Variants in SGSM2 observed in about 807,000 individuals in gnomAD.
The protein encoded by SGSM2 is RUN and TBC1 domain containing 1.
In SGSM2, 89 loss-of-function variants were observed where a neutral mutation model predicts 126.6. The ratio of observed to expected loss-of-function variants is 0.70; its 90% CI spans 0.59 to 0.84. The LOEUF (loss-of-function observed/expected upper bound fraction) is 0.84, where lower values mean the gene tolerates loss of function less well. Ranked by LOEUF, SGSM2 falls within the 40% of genes least tolerant of loss-of-function variation. The probability of loss-of-function intolerance (pLI) is 0.00; values close to 1 mark genes in which losing one functional copy is unlikely to be tolerated. For missense variants in SGSM2, 1,404 were observed against 1,416.6 expected, an observed-to-expected ratio of 0.99 and a Z score of 0.14; for synonymous variants, 614 against 574.3, an observed-to-expected ratio of 1.07 and a Z score of -0.99.
rs78510171 is a variant in SGSM2, at chr17:2,378,933, T to C, written c.2900-103T>C. The C allele has an allele frequency of 2.8e-5, 34 of 1,220,236 alleles. No homozygotes were observed. In the South Asian group the frequency reaches 2.8e-4, roughly 10 times the overall value. 75.6% of individuals were successfully genotyped at this position (1,220,236 alleles called of 1,614,324 possible). A position where few individuals can be genotyped will look rare whatever the true frequency, so the allele number is the denominator to read the frequency against. On this transcript the variant is annotated intron_variant, in intron 22 of 23. Transcript: ENST00000268989. The stretch of plus-strand genomic sequence containing the variant: ...ATCAGCCCCAGCCCCAGCCTCAGCC[T>C]CAGCCTCAGCCCCAGCCTCAATCCC...
intron 18 of SGSM2, 78 bp from the exon 19 acceptor site, chr17:2,376,059 T>A (rs2066130413): frequency 6.3e-7 from 1 of 1,599,488 alleles, no homozygotes. Flanking sequence ...TTTGCTGCAT[T>A]TCTTGGGGCG....
At chr17:2,342,587 T>C (rs1309829082) in intron 1 of SGSM2, among the ~76,000 whole-genome samples, 1 of 152,084 alleles carries the variant, frequency 6.6e-6, no homozygotes, top group African/African-American at 2.4e-5. Flanking sequence ...TTCACAGGAG[T>C]GTTCAGTTTG....
rs146194289 is a variant in SGSM2, at chr17:2,379,439, T to C, written c.3075T>C (p.Ala1025=). 5 of 1,612,950 alleles carry C rather than the reference T, an allele frequency of 3.1e-6. No homozygotes were observed. In the South Asian group the frequency reaches 4.4e-5, roughly 14 times the overall value. Residue 1025 remains alanine (A), a synonymous_variant, in exon 24 of 24, where the codon GCT becomes GCC. Coordinates refer to ENST00000268989, the MANE Select transcript of SGSM2 (RefSeq NM_014853.3). ...CTTCACGTTTCCCCCCAGAACGTGC[T>C]GAGCATCACGATGCCCAGGAGATCC... ...TDIIKFFNER[A]EHHDAQEILR...
intron 2 of SGSM2, among the ~76,000 whole-genome samples, chr17:2,345,181 G>A (rs1209571874): frequency 1.3e-5 from 2 of 152,112 alleles, no homozygotes; most frequent in Non-Finnish European, 2.9e-5. Flanking sequence ...TAGAATTCTC[G>A]GCCGGGCACA....
At chr17:2,377,115 C>A in intron 21 of SGSM2, 47 bp downstream of exon 21, 2 of 1,246,682 alleles carry the variant, frequency 1.6e-6, no homozygotes, top group Non-Finnish European at 2.3e-6. Flanking sequence ...CAGTGCTGGG[C>A]TGGTCCATCG....
chr17:2,353,637 C>G (rs562696955), intron 2 of SGSM2, among the ~76,000 whole-genome samples: 1 of 151,972 alleles, frequency 6.6e-6, no homozygotes, highest in Admixed American at 6.6e-5. Context: ...TGGTAGTGCA[C>G]GCCTGCAGTC....
Position 2,337,723 on chromosome 17 carries a change from T to A in SGSM2, c.35T>A (p.Leu12Gln), listed in dbSNP as rs948034266. Residue 12 changes from leucine (L) to glutamine (Q), a missense_variant, in exon 1 of 24, where the codon CTG becomes CAG. Physicochemically the swap from Leu to Gln is moderately radical, Grantham distance 113. Transcript: ENST00000268989. This position sits in a 1 kb window ranked among gnomAD's most constrained non-coding sequence, Gnocchi z 5.1. ...GSAEDAVKEKLLWNVKKEVKQ... is the reference protein window; with the variant it reads ...GSAEDAVKEKQLWNVKKEVKQ... ...GCAGAGGACGCAGTCAAAGAGAAACTGCTGTGGAACGTGAAGAAGGAGGTA... is the reference window on the plus strand; with the variant it reads ...GCAGAGGACGCAGTCAAAGAGAAACAGCTGTGGAACGTGAAGAAGGAGGTA... 1 of 1,544,478 alleles carries A rather than the reference T, an allele frequency of 6.5e-7. No homozygotes were observed. The highest frequency in any genetic ancestry group is 1.4e-5 in the African/African-American group (1 of 71,116).
intron 8 of SGSM2, 76 bp from the exon 9 acceptor site, chr17:2,364,520 T>C: frequency 6.6e-7 from 1 of 1,516,048 alleles, no homozygotes; most frequent in Non-Finnish European, 9.1e-7. Context: ...CGTGGGGTGG[T>C]AGGACCAGGA....
chr17:2,373,906 T>A (rs987143152), intron 17 of SGSM2: 1 of 195,522 alleles, frequency 5.1e-6, no homozygotes, highest in Admixed American at 5.4e-5. Flanking sequence ...GGGTCTCAGT[T>A]TCCCCTCTCC....
intron 3 of SGSM2, 137 bp downstream of exon 3, chr17:2,361,936 A>G: frequency 7.5e-7 from 1 of 1,330,310 alleles, no homozygotes; most frequent in Non-Finnish European, 1.0e-6. Flanking sequence ...GATCAGCTTG[A>G]GGGAGGGGAT....
In SGSM2 at chr17:2,375,885, T is replaced by C. The variant is rs1366744277; in HGVS notation, c.2484+10T>C. Reference sequence around the variant, plus strand: ...TGCGGCTGCCTACACTGTGCGTACATGCTCCCCAGGCTGTTCCCAGCCGCC... The same window carrying C: ...TGCGGCTGCCTACACTGTGCGTACACGCTCCCCAGGCTGTTCCCAGCCGCC... On this transcript the variant is annotated intron_variant, in intron 18 of 23. Coordinates refer to ENST00000268989, the MANE Select transcript of SGSM2 (RefSeq NM_014853.3). 1.3e-6 allele frequency: 2 copies of C among 1,511,764 alleles called. No homozygotes were observed. The highest frequency in any genetic ancestry group is 2.2e-5 in the Admixed American group (1 of 46,296). The allele number at this position is 1,511,764 out of a possible 1,614,324, so 93.6% of individuals were successfully genotyped here.
intron 22 of SGSM2, 92 bp downstream of exon 22, chr17:2,378,045 T>G: frequency 1.2e-6 from 1 of 801,996 alleles, no homozygotes; most frequent in Non-Finnish European, 2.1e-6. Context: ...TAACTGGACC[T>G]TGGAACCACC....
Position 2,377,048 on chromosome 17 carries a change from A to C in SGSM2, c.2782A>C (p.Asn928His), listed in dbSNP as rs766108311. 5.0e-5 allele frequency: 80 copies of C among 1,613,250 alleles called. No individual in the cohort carries two copies. In the South Asian group the frequency reaches 8.6e-4, roughly 17 times the overall value. The part of the protein sequence containing the change: ...NGGAMDTHFA[N>H]MRSLIQILDS... Reference sequence around the variant, plus strand: ...GGGTGCCATGGACACCCACTTTGCCAACATGCGCTCCCTCATCCAGGTGAG... The same window carrying C: ...GGGTGCCATGGACACCCACTTTGCCCACATGCGCTCCCTCATCCAGGTGAG... Residue 928 changes from asparagine (N) to histidine (H), a missense_variant, in exon 21 of 24, where the codon AAC becomes CAC. Coordinates refer to ENST00000268989, the MANE Select transcript of SGSM2 (RefSeq NM_014853.3).
In SGSM2 at chr17:2,376,718, C is replaced by A; in HGVS notation, c.2610-15C>A. On this transcript the variant is annotated splice_polypyrimidine_tract_variant and intron_variant, in intron 19 of 23. Coordinates refer to ENST00000268989, the MANE Select transcript of SGSM2 (RefSeq NM_014853.3). ...AATGGGGCACAGCCACAGTGACTCT[C>A]CCCCTGCCTTTCAGCTACGTGTGGG... 6.2e-7 allele frequency: 1 copy of A among 1,613,036 alleles called. No individual in the cohort carries two copies. Among genetic ancestry groups the A allele is most frequent in the South Asian group, 1.1e-5 (1 of 90,990 alleles).
At position 2,375,573 on chromosome 17, in the gene SGSM2, G is replaced by C; in HGVS notation, c.2182G>C (p.Gly728Arg). ...DSRPKPEQEAGPGTPGTAVVE... is the reference protein window; with the variant it reads ...DSRPKPEQEARPGTPGTAVVE... ...CAGACCAAAACCTGAGCAGGAAGCA[G>C]GACCCGGGACTCCGGGCACCGCCGT... The change falls in exon 18 of 24, where the codon GGA (glycine) becomes CGA (arginine). Residue 728 changes from glycine to arginine, a missense_variant. Coordinates refer to ENST00000268989, the MANE Select transcript of SGSM2 (RefSeq NM_014853.3). The C allele has an allele frequency of 6.2e-7, 1 of 1,613,962 alleles. No homozygotes were observed. Among genetic ancestry groups the C allele is most frequent in the Non-Finnish European group, 8.5e-7 (1 of 1,180,020 alleles).
rs2065434662 is a variant in SGSM2 at position 2,363,846 on chromosome 17, A to C, written c.808-213A>C. The C allele has an allele frequency of 3.8e-6, 3 of 779,948 alleles. No homozygotes were observed. Among genetic ancestry groups the C allele is most frequent in the African/African-American group, 3.5e-5 (2 of 57,324 alleles). The allele number at this position is 779,948 out of a possible 1,614,324, so 48.3% of individuals were successfully genotyped here. A position where few individuals can be genotyped will look rare whatever the true frequency, so the allele number is the denominator to read the frequency against. ...ATGGCTGGCCTGGAATGGACCTGGC[A>C]TCCAGGAGGCTGGCAGGAGAGAGTC... On this transcript the variant is annotated intron_variant, in intron 7 of 23. Transcript: ENST00000268989. This position sits in a 1 kb window ranked among gnomAD's most constrained non-coding sequence, Gnocchi z 4.2.
rs773774299 is a variant in SGSM2 at position 2,375,873 on chromosome 17, A to G, written c.2482A>G (p.Thr828Ala). 1.7e-5 allele frequency: 26 copies of G among 1,518,792 alleles called. No homozygotes were observed. The highest frequency in any genetic ancestry group is 2.1e-5 in the Non-Finnish European group (24 of 1,141,614). The allele number at this position is 1,518,792 out of a possible 1,614,324, so 94.1% of individuals were successfully genotyped here. Residue 828 changes from threonine to alanine, a missense_variant and splice_region_variant, in exon 18 of 24, where the codon ACT (threonine) becomes GCT (alanine). By Grantham distance (58) the Thr-to-Ala change is moderately conservative (BLOSUM62 0). Transcript: ENST00000268989. ...ELAAVCAAAYTIELLDTVALN... is the reference protein window; with the variant it reads ...ELAAVCAAAYAIELLDTVALN... ...TGCGGCTGTGTGTGCGGCTGCCTAC[A>G]CTGTGCGTACATGCTCCCCAGGCTG...
rs1163936306 is a variant in SGSM2 at position 2,379,115 on chromosome 17, G to A, written c.2979G>A (p.Leu993=). 1 of 1,614,248 alleles carries A rather than the reference G, an allele frequency of 6.2e-7. No homozygotes were observed. Among genetic ancestry groups the A allele is most frequent in the East Asian group, 2.2e-5 (1 of 44,882 alleles). Residue 993 remains leucine (L), a synonymous_variant, in exon 23 of 24, where the codon CTG becomes CTA. Transcript: ENST00000268989. ...ACATCTCATCGGAGCACTTTGTCCT[G>A]TTCATCGCCCTCGCCCTGGTGGAGG... The part of the protein sequence containing the change: ...ARHISSEHFV[L]FIALALVEAY...
intron 1 of SGSM2, among the ~76,000 whole-genome samples, chr17:2,340,774 C>T (rs186566148): frequency 1.3e-3 from 194 of 151,126 alleles, no homozygotes; most frequent in Middle Eastern, 3.4e-3. Flanking sequence ...TTAGTAGAGA[C>T]GGGGTTTCAC....
Sources: allele counts gnomAD v4.1 joint callset (sites outside exome capture counted in the v4.1 genomes callset), GRCh38; gene constraint gnomAD v4.1.1; non-coding constraint Gnocchi (gnomAD v3.1); transcripts MANE v1.5; gene names NCBI Gene and HGNC (gene_info 2026-07-23, HGNC 2026-07-21).